Variants in GPC6 observed in about 807,000 individuals in gnomAD.
GPC6 encodes glypican 6.
Under a neutral mutation model 55.2 loss-of-function variants are expected in GPC6, and 14 were observed. The ratio of observed to expected loss-of-function variants is 0.25; its 90% CI spans 0.17 to 0.40. GPC6 has a LOEUF of 0.40. Among genes scored for constraint, GPC6 ranks in the 10% least tolerant of loss-of-function variants. GPC6 has a pLI of 1.00. For missense variants in GPC6, 641 were observed against 708.5 expected (o/e 0.90, Z 1.08); for synonymous variants, 278 against 259.6 (o/e 1.07, Z -0.68).
intron 4 of GPC6, among the ~76,000 whole-genome samples, chr13:94,112,650 T>C (rs1313821247): frequency 6.6e-6 from 1 of 152,202 alleles, no homozygotes; most frequent in Non-Finnish European, 1.5e-5. Context: ...TGCATATTTT[T>C]AAGGTGTTAT....
chr13:93,330,993 A>G (rs529397862), intron 1 of GPC6, among the ~76,000 whole-genome samples: 78 of 151,308 alleles, frequency 5.2e-4, no homozygotes, highest in African/African-American at 1.7e-3. Flanking sequence ...ATGTTTGCTT[A>G]ATGGACAGAT....
At chr13:93,228,033 A>C (rs894557863) in intron 1 of GPC6, among the ~76,000 whole-genome samples, 2 of 152,086 alleles carry the variant, frequency 1.3e-5, no homozygotes, top group African/African-American at 4.8e-5. Flanking sequence ...GCCCAGCGCC[A>C]CAGTCTGAGT....
chr13:93,247,628 A>G (rs1876648536), intron 1 of GPC6, among the ~76,000 whole-genome samples: 1 of 152,214 alleles, frequency 6.6e-6, no homozygotes, highest in East Asian at 1.9e-4. Flanking sequence ...ACCGCAATAA[A>G]GAATATATTC....
chr13:94,174,302 G>GA (rs1224429857), intron 4 of GPC6, among the ~76,000 whole-genome samples: 1 of 151,988 alleles, frequency 6.6e-6, no homozygotes, highest in Non-Finnish European at 1.5e-5. Flanking sequence ...ACCAAAAGGG[G>GA]AAAAAATAAG....
At chr13:93,758,809 C>T (rs559191366) in intron 2 of GPC6, among the ~76,000 whole-genome samples, 1 of 152,242 alleles carries the variant, frequency 6.6e-6, no homozygotes, top group East Asian at 1.9e-4. Context: ...TTTTGACCTA[C>T]TGGCATTTCC....
chr13:93,616,623 C>T (rs936820917), intron 2 of GPC6, among the ~76,000 whole-genome samples: 2 of 151,998 alleles, frequency 1.3e-5, no homozygotes, highest in African/African-American at 4.8e-5. Context: ...TTAGAAGGTC[C>T]CTTACAATGT....
chr13:93,878,524 A>G (rs1187912783), intron 3 of GPC6, among the ~76,000 whole-genome samples: 1 of 152,036 alleles, frequency 6.6e-6, no homozygotes, highest in Non-Finnish European at 1.5e-5. Flanking sequence ...GATTACAGCC[A>G]TGCATCACCA....
At chr13:93,680,783 G>A (rs960631888) in intron 2 of GPC6, among the ~76,000 whole-genome samples, 3 of 152,062 alleles carry the variant, frequency 2.0e-5, no homozygotes, top group African/African-American at 7.2e-5. Flanking sequence ...ACAAGAACTG[G>A]GGGTATCAAT....
At chr13:93,766,992 C>G (rs1405782429) in intron 2 of GPC6, among the ~76,000 whole-genome samples, 2 of 151,184 alleles carry the variant, frequency 1.3e-5, no homozygotes, top group Non-Finnish European at 1.5e-5. Context: ...TTTTTTTTCC[C>G]CCGCGGTGGT....
intron 1 of GPC6, among the ~76,000 whole-genome samples, chr13:93,335,007 T>C (rs560299455): frequency 6.6e-6 from 1 of 152,322 alleles, no homozygotes; most frequent in Non-Finnish European, 1.5e-5. Flanking sequence ...AAATGAATAA[T>C]TAGTCCCACA....
chr13:94,350,686 T>C (rs1169029945), intron 6 of GPC6, among the ~76,000 whole-genome samples: 1 of 152,210 alleles, frequency 6.6e-6, no homozygotes, highest in African/African-American at 2.4e-5. Flanking sequence ...TATGCAAATA[T>C]GTTCCCTGGA....
intron 1 of GPC6, among the ~76,000 whole-genome samples, chr13:93,293,431 C>T (rs1481101882): frequency 1.3e-5 from 2 of 152,072 alleles, no homozygotes; most frequent in Non-Finnish European, 2.9e-5. Context: ...TTACTTGAAA[C>T]GTTGTTACAT....
chr13:93,894,185 G>T (rs1242123328), intron 3 of GPC6, among the ~76,000 whole-genome samples: 1 of 152,054 alleles, frequency 6.6e-6, no homozygotes, highest in Non-Finnish European at 1.5e-5. Flanking sequence ...TGCCCTTTAG[G>T]AATTCCTGCC....
intron 3 of GPC6, among the ~76,000 whole-genome samples, chr13:93,927,556 C>T (rs1200974403): frequency 6.6e-6 from 1 of 151,886 alleles, no homozygotes; most frequent in Non-Finnish European, 1.5e-5. Context: ...ATGCAGAGTT[C>T]AATGGGGGTA....
intron 2 of GPC6, among the ~76,000 whole-genome samples, chr13:93,579,733 T>C (rs1353706715): frequency 6.6e-6 from 1 of 152,148 alleles, no homozygotes; most frequent in Non-Finnish European, 1.5e-5. Context: ...TCAGAAGCAA[T>C]TTTAAATTGT....
At position 93,762,389 on chromosome 13, in the gene GPC6, G is replaced by A. The variant is rs577143308; in HGVS notation, c.320-67765G>A. Reference sequence around the variant, plus strand: ...TGGAAGCATAATGATCATTCTCTCAGGAATCCCTCGGTCAGAGTTGCAACT... The same window carrying A: ...TGGAAGCATAATGATCATTCTCTCAAGAATCCCTCGGTCAGAGTTGCAACT... On this transcript the variant is annotated intron_variant, in intron 2 of 8. Coordinates refer to ENST00000377047, the MANE Select transcript of GPC6 (RefSeq NM_005708.5). Among the ~76,000 whole-genome samples the A allele has an allele frequency of 3.3e-5, 5 of 152,270 alleles. No individual in the cohort carries two copies. In the South Asian group the frequency reaches 1.0e-3, roughly 32 times the overall value.
chr13:94,063,003 G>T (rs1372137327), intron 4 of GPC6, among the ~76,000 whole-genome samples: 1 of 152,184 alleles, frequency 6.6e-6, no homozygotes, highest in Non-Finnish European at 1.5e-5. Context: ...TAGGCACGGG[G>T]TCAGGTGTCA....
chr13:93,370,280 G>T (rs1005609162), intron 1 of GPC6, among the ~76,000 whole-genome samples: 1 of 152,052 alleles, frequency 6.6e-6, no homozygotes, highest in Non-Finnish European at 1.5e-5. Context: ...GAGGTCCCCT[G>T]ATAAAGAAAT....
chr13:93,882,164 G>A (rs1362971775), intron 3 of GPC6, among the ~76,000 whole-genome samples: 1 of 137,232 alleles, frequency 7.3e-6, no homozygotes, highest in African/African-American at 2.7e-5. Context: ...TTTTTTGTTT[G>A]TTTGTTTTTT....
Sources: allele counts gnomAD v4.1 joint callset (sites outside exome capture counted in the v4.1 genomes callset), GRCh38; gene constraint gnomAD v4.1.1; transcripts MANE v1.5; gene names NCBI Gene and HGNC (gene_info 2026-07-23, HGNC 2026-07-21).